DISP1: variants seen among roughly 807,000 people sequenced by gnomAD.
The protein encoded by DISP1 is protein dispatched homolog 1.
Under a neutral mutation model 37.3 loss-of-function variants are expected in DISP1, and 30 were observed. That is an observed-to-expected ratio of 0.80 (90% CI 0.60 to 1.09). The LOEUF is 1.09. DISP1 is among the 50% of genes least tolerant of loss of function. The pLI is 0.00. For synonymous variants in DISP1, 634 were observed against 690.2 expected, an observed-to-expected ratio of 0.92 and a Z score of 1.28; for missense variants, 1,598 against 1,879.5, an observed-to-expected ratio of 0.85 and a Z score of 2.77.
chr1:222,838,960 G>A lies in DISP1; in HGVS notation c.-159+23882G>A, dbSNP rs559964217. ...TTGGTTTCTTTATTTTGTGATAGGCGCATTCCTTGGTTGTTCCTCAAACAT... is the reference window on the plus strand; with the variant it reads ...TTGGTTTCTTTATTTTGTGATAGGCACATTCCTTGGTTGTTCCTCAAACAT... On this transcript the variant is annotated intron_variant, in intron 1 of 8. Transcript: ENST00000675850. 7.2e-5 allele frequency among the ~76,000 whole-genome samples: 11 copies of A among 152,184 alleles called. No homozygotes were observed. The East Asian group carries it at 1.3e-3, about 19-fold the overall frequency.
At chr1:222,837,809 A>C (rs1033160706) in intron 1 of DISP1, among the ~76,000 whole-genome samples, 11 of 152,200 alleles carry the variant, frequency 7.2e-5, no homozygotes, top group African/African-American at 2.7e-4. Context: ...AAGACCAAAA[A>C]ACCATAAAAT....
chr1:222,832,345 T>C (rs1665969937), intron 1 of DISP1, among the ~76,000 whole-genome samples: 1 of 152,212 alleles, frequency 6.6e-6, no homozygotes, highest in Non-Finnish European at 1.5e-5. Flanking sequence ...TCTAAGTCTG[T>C]CTGTGATGAT....
At chr1:222,839,869 G>A (rs1345671479) in intron 1 of DISP1, among the ~76,000 whole-genome samples, 1 of 151,854 alleles carries the variant, frequency 6.6e-6, no homozygotes, top group African/African-American at 2.4e-5. Flanking sequence ...GGAGGCGGAG[G>A]TTGCAGTGAG....
chr1:222,933,264 C>T (rs1346755684), intron 2 of DISP1, among the ~76,000 whole-genome samples: 1 of 151,770 alleles, frequency 6.6e-6, no homozygotes, highest in African/African-American at 2.4e-5. Flanking sequence ...TTGTGAATAC[C>T]ATGAATATTG....
chr1:222,977,790 G>T (rs563696494), intron 3 of DISP1, among the ~76,000 whole-genome samples: 2 of 152,024 alleles, frequency 1.3e-5, no homozygotes, highest in African/African-American at 4.8e-5. Context: ...GCAGTGTTTG[G>T]TTTTTTGTCC....
chr1:222,917,146 T>A (rs556913417), intron 1 of DISP1, among the ~76,000 whole-genome samples: 1 of 152,246 alleles, frequency 6.6e-6, no homozygotes, highest in Non-Finnish European at 1.5e-5. Flanking sequence ...TGAGGGCTGC[T>A]GCCTTTGCTC....
intron 2 of DISP1, among the ~76,000 whole-genome samples, chr1:222,931,553 T>A (rs1385300076): frequency 6.6e-6 from 1 of 151,954 alleles, no homozygotes; most frequent in African/African-American, 2.4e-5. Context: ...ATCTTAAGGA[T>A]CCTGTTTATT....
At chr1:222,923,992 G>A (rs1373763839) in intron 1 of DISP1, among the ~76,000 whole-genome samples, 4 of 152,128 alleles carry the variant, frequency 2.6e-5, no homozygotes, top group Non-Finnish European at 5.9e-5. Context: ...GGGTGAATAT[G>A]TCAGACTATG....
chr1:222,998,613 A>G (rs1306082614), intron 8 of DISP1, among the ~76,000 whole-genome samples: 2 of 152,008 alleles, frequency 1.3e-5, no homozygotes, highest in African/African-American at 2.4e-5. Flanking sequence ...ACTCTTCTTC[A>G]TTGCCTCTTT....
chr1:222,945,594 T>C (rs192721487), intron 3 of DISP1: 1 of 152,078 alleles, frequency 6.6e-6, no homozygotes, highest in African/African-American at 2.4e-5. Context: ...CTGACCTAAT[T>C]CAAAAGCAGT....
At chr1:222,839,517 TAAAC>T (rs1010829178) in intron 1 of DISP1, among the ~76,000 whole-genome samples, 4 of 152,158 alleles carry the variant, frequency 2.6e-5, no homozygotes, top group African/African-American at 9.7e-5. Flanking sequence ...TTCTGACAGT[TAAAC>T]AAAGGAAGAG....
intron 1 of DISP1, among the ~76,000 whole-genome samples, chr1:222,876,899 G>A (rs898445906): frequency 2.0e-5 from 3 of 152,120 alleles, no homozygotes; most frequent in African/African-American, 7.2e-5. Flanking sequence ...AAGACAAAAT[G>A]TTAAGATTTT....
intron 1 of DISP1, among the ~76,000 whole-genome samples, chr1:222,865,255 A>G (rs1231591791): frequency 6.6e-6 from 1 of 152,108 alleles, no homozygotes; most frequent in Non-Finnish European, 1.5e-5. Context: ...AAAATATATA[A>G]TTTGTCATGA....
intron 1 of DISP1, among the ~76,000 whole-genome samples, chr1:222,912,080 C>A (rs1672244880): frequency 6.6e-6 from 1 of 152,176 alleles, no homozygotes; most frequent in Admixed American, 6.5e-5. Flanking sequence ...TGAGTCTTGT[C>A]TCTGGAATTC....
chr1:222,922,467 G>GGT (rs1254138469), intron 1 of DISP1, among the ~76,000 whole-genome samples: 2 of 152,100 alleles, frequency 1.3e-5, no homozygotes, highest in African/African-American at 4.8e-5. Flanking sequence ...AATGAACAAG[G>GGT]GTATACAGGG....
chr1:222,999,259 A>T (rs1266915333), intron 8 of DISP1, among the ~76,000 whole-genome samples: 3 of 152,198 alleles, frequency 2.0e-5, no homozygotes, highest in Non-Finnish European at 4.4e-5. Flanking sequence ...AACTAGAATT[A>T]GAAGGGCTAT....
chr1:222,917,019 GGCACATT>G (rs1672530361), intron 1 of DISP1, among the ~76,000 whole-genome samples: 1 of 151,978 alleles, frequency 6.6e-6, no homozygotes. Context: ...CTTGTGATTA[GGCACATT>G]TGAAGCCTGT....
In DISP1 at chr1:223,002,454, A is replaced by G; in HGVS notation, c.1057A>G (p.Thr353Ala). The part of the protein sequence containing the change: ...TTAASCCPSW[T>A]LGNYIAILNN... ...TGCTGCCTCCTGCTGCCCCAGCTGGACACTGGGAAACTACATCGCCATTCT... is the reference window on the plus strand; with the variant it reads ...TGCTGCCTCCTGCTGCCCCAGCTGGGCACTGGGAAACTACATCGCCATTCT... The change falls in exon 9 of 9, where the codon ACA (threonine) becomes GCA (alanine). Residue 353 changes from threonine to alanine, a missense_variant. Coordinates refer to ENST00000675850, the MANE Select transcript of DISP1 (RefSeq NM_001377229.1). The G allele has an allele frequency of 6.2e-7, 1 of 1,614,122 alleles. No homozygotes were observed. The highest frequency in any genetic ancestry group is 8.5e-7 in the Non-Finnish European group (1 of 1,180,018).
chr1:222,850,479 G>A (rs1392788209), intron 1 of DISP1, among the ~76,000 whole-genome samples: 1 of 151,526 alleles, frequency 6.6e-6, no homozygotes, highest in African/African-American at 2.4e-5. Context: ...GAGTACATGT[G>A]GTTTGTTACA....
Sources: gnomAD v4.1 joint callset for allele counts (sites outside exome capture counted in the v4.1 genomes callset) on GRCh38, gnomAD v4.1.1 for gene constraint, MANE v1.5 for transcripts, NCBI Gene and HGNC (gene_info 2026-07-23, HGNC 2026-07-21) for gene names.